Variants in NSDHL observed in about 807,000 individuals in gnomAD.
The protein encoded by NSDHL is NAD(P) dependent 3-beta-hydroxysteroid dehydrogenase NSDHL.
NSDHL carries 1 observed loss-of-function variant against 23.0 expected under a neutral mutation model. The ratio of observed to expected loss-of-function variants is 0.04; its 90% CI spans 0.02 to 0.21. The LOEUF (loss-of-function observed/expected upper bound fraction) is 0.21. NSDHL is among the 10% of genes least tolerant of loss of function. NSDHL has a pLI of 1.00. For missense variants in NSDHL, 237 were observed against 300.9 expected (o/e 0.79, Z 1.57); for synonymous variants, 128 against 121.1 (o/e 1.06, Z -0.37).
At chrX:152,867,484 T>G in intron 6 of NSDHL, 87 bp from the exon 7 acceptor site, 1 of 685,999 alleles carries the variant, frequency 1.5e-6, no homozygotes, top group East Asian at 3.3e-5. Flanking sequence ...TAGGTCACAG[T>G]CTCTCAAATG....
chrX:152,865,684 C>T, intron 5 of NSDHL, 135 bp from the exon 6 acceptor site: 2 of 810,444 alleles, frequency 2.5e-6, no homozygotes, highest in South Asian at 2.1e-5. Context: ...CAGACCACTG[C>T]TCAGTGGCCA....
chrX:152,869,379 G>T lies in NSDHL; in HGVS notation c.*263G>T, dbSNP rs1303412357. On this transcript the variant is annotated 3_prime_UTR_variant, in exon 8 of 8. Coordinates refer to ENST00000370274, the MANE Select transcript of NSDHL (RefSeq NM_015922.3). ...GTTCTCTGTCTTTTTGTGTCTCTCT[G>T]TTTACCCCCTCCCTTGCCCCCTCTT... 1 of 401,870 alleles carries T rather than the reference G, an allele frequency of 2.5e-6. No individual in the cohort carries two copies. Among genetic ancestry groups the T allele is most frequent in the Non-Finnish European group, 4.4e-6 (1 of 225,206 alleles). 33.1% of individuals were successfully genotyped at this position (401,870 alleles called of 1,213,427 possible).
chrX:152,858,896 T>G lies in NSDHL; in HGVS notation c.394T>G (p.Cys132Gly). 8.3e-7 allele frequency: 1 copy of G among 1,209,036 alleles called. No individual in the cohort carries two copies. The highest frequency in any genetic ancestry group is 1.1e-6 in the Non-Finnish European group (1 of 893,051). The change falls in exon 4 of 8, where the codon TGC becomes GGC. Residue 132 changes from cysteine (C) to glycine (G), a missense_variant. Coordinates refer to ENST00000370274, the MANE Select transcript of NSDHL (RefSeq NM_015922.3). ...TGGCACCAAGAATGTCATTGAAACT[T>G]GCAAAGAGGCTGGGGTTCAGGTAAG... ...YIGTKNVIET[C>G]KEAGVQKLIL...
intron 3 of NSDHL, among the ~76,000 whole-genome samples, chrX:152,858,537 A>C (rs1462946694): frequency 8.9e-6 from 1 of 111,803 alleles, no homozygotes; most frequent in East Asian, 2.8e-4. Context: ...TCATGCCCCA[A>C]ACCCCTTTTG....
chrX:152,854,356 T>G (rs898226093), intron 3 of NSDHL, among the ~76,000 whole-genome samples: 14 of 112,101 alleles, frequency 1.2e-4, no homozygotes, highest in Non-Finnish European at 2.6e-4. Flanking sequence ...CCAAGGTCGA[T>G]GTGATGTGGG....
chrX:152,842,645 G>A (rs1569472184), intron 1 of NSDHL, among the ~76,000 whole-genome samples: 2 of 111,462 alleles, frequency 1.8e-5, no homozygotes, highest in South Asian at 3.8e-4. Flanking sequence ...GGGATTACAC[G>A]CATGTGCCAC....
chrX:152,857,160 A>G (rs926867876), intron 3 of NSDHL, among the ~76,000 whole-genome samples: 1 of 112,999 alleles, frequency 8.8e-6, no homozygotes, highest in African/African-American at 3.2e-5. Context: ...TGTAAAGGCC[A>G]TGAATTAAAA....
intron 3 of NSDHL, among the ~76,000 whole-genome samples, chrX:152,855,536 T>G (rs1933432186): frequency 8.9e-6 from 1 of 112,287 alleles, no homozygotes; most frequent in Non-Finnish European, 1.9e-5. Context: ...ATGAATGTCT[T>G]TCCTCATTTC....
rs782573595 is a variant in NSDHL, at chrX:152,848,814, G to C, written c.109-1451G>C. 2.7e-5 allele frequency among the ~76,000 whole-genome samples: 3 copies of C among 112,119 alleles called. No individual in the cohort carries two copies. In the Admixed American group the frequency reaches 2.8e-4, roughly 11 times the overall value. Reference sequence around the variant, plus strand: ...CCTGTACAGCTGACTTGGGAGGAGGGGAGAAGAAAGGGATTGCTAGAAAAG... The same window carrying C: ...CCTGTACAGCTGACTTGGGAGGAGGCGAGAAGAAAGGGATTGCTAGAAAAG... On this transcript the variant is annotated intron_variant, in intron 2 of 7. Coordinates refer to ENST00000370274, the MANE Select transcript of NSDHL (RefSeq NM_015922.3).
intron 2 of NSDHL, among the ~76,000 whole-genome samples, chrX:152,848,358 T>G (rs1556845873): frequency 8.9e-6 from 1 of 112,266 alleles, no homozygotes; most frequent in Non-Finnish European, 1.9e-5. Context: ...CACAGCATTA[T>G]AGGTATGATT....
Position 152,840,524 on chromosome X carries a change from C to T in NSDHL, c.-43-5758C>T, listed in dbSNP as rs782704441. 1.3e-4 allele frequency among the ~76,000 whole-genome samples: 15 copies of T among 112,263 alleles called. No homozygotes were observed. The East Asian group carries it at 4.2e-3, about 31-fold the overall frequency. On this transcript the variant is annotated intron_variant, in intron 1 of 7. Transcript: ENST00000370274. ...CTTTCTGTTGATGTTGATGCTATTC[C>T]TTTCTGTTTGTTAGTTTTCCTTCTA...
chrX:152,841,330 C>A (rs1384314784), intron 1 of NSDHL, among the ~76,000 whole-genome samples: 2 of 112,795 alleles, frequency 1.8e-5, no homozygotes, highest in African/African-American at 6.4e-5. Context: ...CCAACCAGTC[C>A]CAACGAGGTG....
At chrX:152,847,538 C>T (rs1440260663) in intron 2 of NSDHL, among the ~76,000 whole-genome samples, 1 of 111,287 alleles carries the variant, frequency 9.0e-6, no homozygotes, top group Non-Finnish European at 1.9e-5. Context: ...TACTTGGCAG[C>T]CAGCAAACAA....
In NSDHL at chrX:152,831,107, C is replaced by T. The variant is rs781976538; in HGVS notation, c.-54C>T. 5.3e-4 allele frequency: 161 copies of T among 301,701 alleles called. No individual in the cohort carries two copies. Among genetic ancestry groups the T allele is most frequent in the Middle Eastern group, 8.5e-4 (1 of 1,172 alleles). The allele number at this position is 301,701 out of a possible 1,213,427, so 24.9% of individuals were successfully genotyped here. ...CGAGCTGAGGCCAGACAGGGGGGCG[C>T]CTACGGACGGGTAAGAGTCGTGGCC... On this transcript the variant is annotated 5_prime_UTR_variant, in exon 1 of 8. Transcript: ENST00000370274.
Position 152,846,400 on chromosome X carries a change from A to C in NSDHL, c.76A>C (p.Asn26His). 8.3e-7 allele frequency: 1 copy of C among 1,207,196 alleles called. No homozygotes were observed. The highest frequency in any genetic ancestry group is 1.1e-6 in the Non-Finnish European group (1 of 890,942). ...TTTGACAGAGGACACTCCCAAAGTG[A>C]ATGCTGACATAGAAAAGGTTAACCA... ...THLTEDTPKV[N>H]ADIEKVNQNQ... Residue 26 changes from asparagine to histidine, a missense_variant, in exon 2 of 8, where the codon AAT (asparagine) becomes CAT (histidine). Coordinates refer to ENST00000370274, the MANE Select transcript of NSDHL (RefSeq NM_015922.3).
At position 152,869,141 on chromosome X, in the gene NSDHL, C is replaced by T. The variant is rs373088998; in HGVS notation, c.*25C>T. Reference sequence around the variant, plus strand: ...AGGGACACTGGAGGCTGGGCTCTCTCGACACGTTGCTCAGCCAGTCACTCC... The same window carrying T: ...AGGGACACTGGAGGCTGGGCTCTCTTGACACGTTGCTCAGCCAGTCACTCC... On this transcript the variant is annotated 3_prime_UTR_variant, in exon 8 of 8. Transcript: ENST00000370274. 1.1e-4 allele frequency: 119 copies of T among 1,115,541 alleles called. No homozygotes were observed. Among genetic ancestry groups the T allele is most frequent in the Non-Finnish European group, 1.4e-4 (110 of 810,329 alleles). 91.9% of individuals were successfully genotyped at this position (1,115,541 alleles called of 1,213,427 possible).
chrX:152,869,260 C>A lies in NSDHL; in HGVS notation c.*144C>A. On this transcript the variant is annotated 3_prime_UTR_variant, in exon 8 of 8. Coordinates refer to ENST00000370274, the MANE Select transcript of NSDHL (RefSeq NM_015922.3). ...AGGCAGAGAGCGCACCCTACTCTTT[C>A]CGTGACGATGAGGGCGGCAAAAACA... 1 of 539,748 alleles carries A rather than the reference C, an allele frequency of 1.9e-6. No individual in the cohort carries two copies. Among genetic ancestry groups the A allele is most frequent in the Non-Finnish European group, 3.2e-6 (1 of 312,527 alleles). 44.5% of individuals were successfully genotyped at this position (539,748 alleles called of 1,213,427 possible).
chrX:152,854,662 T>A (rs5925235), intron 3 of NSDHL, among the ~76,000 whole-genome samples: 2 of 107,787 alleles, frequency 1.9e-5, no homozygotes, highest in African/African-American at 3.4e-5. Context: ...CGCCCGCCTC[T>A]GCCTCCCAAA....
chrX:152,862,806 G>A, intron 5 of NSDHL, 82 bp downstream of exon 5: 1 of 938,413 alleles, frequency 1.1e-6, no homozygotes, highest in Non-Finnish European at 1.5e-6. Flanking sequence ...TATGAAGTTT[G>A]TATTCTGAGG....
Sources: allele counts gnomAD v4.1 joint callset (sites outside exome capture counted in the v4.1 genomes callset), GRCh38; gene constraint gnomAD v4.1.1; transcripts MANE v1.5; gene names NCBI Gene and HGNC (gene_info 2026-07-23, HGNC 2026-07-21).